Variants in SYCP2L observed in about 807,000 individuals in gnomAD.
The protein encoded by SYCP2L is synaptonemal complex protein 2-like.
Under a neutral mutation model 125.8 loss-of-function variants are expected in SYCP2L, and 98 were observed. That is an observed-to-expected ratio of 0.78 (90% CI 0.66 to 0.92). SYCP2L has a LOEUF of 0.92. Ranked by LOEUF, SYCP2L falls within the 40% of genes least tolerant of loss-of-function variation. The pLI is 0.00. For missense variants in SYCP2L, 842 were observed against 936.4 expected, an observed-to-expected ratio of 0.90 and a Z score of 1.32; for synonymous variants, 317 against 325.4, an observed-to-expected ratio of 0.97 and a Z score of 0.28.
chr6:10,898,427 C>T (rs185116459), intron 5 of SYCP2L, among the ~76,000 whole-genome samples: 495 of 152,184 alleles, frequency 3.3e-3, no homozygotes, highest in Admixed American at 9.6e-3. Flanking sequence ...GCAGGAGAAT[C>T]GCTTGAACCT....
At chr6:10,939,548 A>T (rs1781174877) in intron 21 of SYCP2L, among the ~76,000 whole-genome samples, 1 of 152,230 alleles carries the variant, frequency 6.6e-6, no homozygotes, top group South Asian at 2.1e-4. Context: ...AGATAACATT[A>T]TGGGCCCAGA....
chr6:10,969,415 C>T (rs1781732507), intron 29 of SYCP2L, among the ~76,000 whole-genome samples: 1 of 140,498 alleles, frequency 7.1e-6, no homozygotes, highest in Non-Finnish European at 1.5e-5. Flanking sequence ...GGCTGGAGTG[C>T]AGTGGCATGA....
intron 1 of SYCP2L, among the ~76,000 whole-genome samples, chr6:10,890,214 T>C (rs1198461001): frequency 6.6e-6 from 1 of 152,220 alleles, no homozygotes; most frequent in Non-Finnish European, 1.5e-5. Context: ...TTTCTTTTCT[T>C]TTGGATATAT....
At chr6:10,901,926 G>A (rs1780381791) in intron 6 of SYCP2L, among the ~76,000 whole-genome samples, 1 of 152,182 alleles carries the variant, frequency 6.6e-6, no homozygotes, top group Admixed American at 6.6e-5. Flanking sequence ...TCTCAATGTG[G>A]TTTCCTTGTT....
At chr6:10,918,216 A>G (rs1299176478) in intron 14 of SYCP2L, among the ~76,000 whole-genome samples, 1 of 150,882 alleles carries the variant, frequency 6.6e-6, no homozygotes, top group East Asian at 1.9e-4. Flanking sequence ...AAAAAAAAAG[A>G]AAAGGAAAGA....
rs551103839 is a variant in SYCP2L, at chr6:10,907,892, G to GTTTTTTTTTTTTTTTTTTTTTTTT, written c.819+226_819+227insTTTTTTTTTTTTTTTTTTTTTTTT. ...GAGCTAGATATAGGGATACAGATAG[G>GTTTTTTTTTTTTTTTTTTTTTTTT]TTTTTTTTTTTTTTTTTTGACAGAG... On this transcript the variant is annotated intron_variant, in intron 10 of 29. Coordinates refer to ENST00000283141, the MANE Select transcript of SYCP2L (RefSeq NM_001040274.3). Among the ~76,000 whole-genome samples the GTTTTTTTTTTTTTTTTTTTTTTTT allele has an allele frequency of 1.4e-3, 129 of 91,928 alleles. 26 individuals carry two copies. Among genetic ancestry groups the GTTTTTTTTTTTTTTTTTTTTTTTT allele is most frequent in the Non-Finnish European group, 1.8e-3 (87 of 49,676 alleles). 60.3% of individuals were successfully genotyped at this position (91,928 alleles called of 152,430 possible).
intron 23 of SYCP2L, among the ~76,000 whole-genome samples, chr6:10,947,386 C>T (rs1293824377): frequency 6.6e-6 from 1 of 152,000 alleles, no homozygotes; most frequent in Non-Finnish European, 1.5e-5. Flanking sequence ...GAAGTGACAT[C>T]TTTAAAATAT....
rs573462133 is a variant in SYCP2L, at chr6:10,900,049, A to G, written c.466+1201A>G. Among the ~76,000 whole-genome samples, 7 of 152,346 alleles carry G rather than the reference A, an allele frequency of 4.6e-5. No homozygotes were observed. In the East Asian group the frequency reaches 1.3e-3, roughly 29 times the overall value. ...TCTACGGTCATTGCTTGGTGCATTT[A>G]TGGATTCACATAATGCTATAATGAC... On this transcript the variant is annotated intron_variant, in intron 6 of 29. Transcript: ENST00000283141.
At chr6:10,973,850 A>G (rs1327846269) in intron 29 of SYCP2L, 102 bp from the exon 30 acceptor site, 1 of 152,260 alleles carries the variant, frequency 6.6e-6, no homozygotes, top group Non-Finnish European at 1.5e-5. Context: ...TGTAGCGGAT[A>G]AAAAGGAATG....
At chr6:10,902,551 C>T in intron 6 of SYCP2L, 126 bp from the exon 7 acceptor site, 2 of 740,766 alleles carry the variant, frequency 2.7e-6, no homozygotes, top group South Asian at 3.7e-5. Flanking sequence ...GAGGCACAGC[C>T]TGCAAAGTGG....
In SYCP2L at chr6:10,908,763, A is replaced by G. The variant is rs190086873; in HGVS notation, c.819+1079A>G. 3.3e-3 allele frequency among the ~76,000 whole-genome samples: 510 copies of G among 152,310 alleles called. 3 individuals are homozygous for G. Among genetic ancestry groups the G allele is most frequent in the Non-Finnish European group, 3.7e-3 (251 of 68,034 alleles). ...TAAAGTAATTCTTTAGCCAGGATTC[A>G]GTATAATCTCAGTGGAAAGACCATG... On this transcript the variant is annotated intron_variant, in intron 10 of 29. Transcript: ENST00000283141.
intron 1 of SYCP2L, among the ~76,000 whole-genome samples, chr6:10,890,139 A>G (rs888628372): frequency 6.6e-6 from 1 of 152,220 alleles, no homozygotes; most frequent in Non-Finnish European, 1.5e-5. Flanking sequence ...TTGATTCCAT[A>G]TCTTGGCTAT....
chr6:10,963,765 G>A lies in SYCP2L; in HGVS notation c.2415-17G>A. On this transcript the variant is annotated splice_polypyrimidine_tract_variant and intron_variant, in intron 28 of 29. Transcript: ENST00000283141. Reference sequence around the variant, plus strand: ...GTCTAATGTGAATATAATAAGAGATGGACCAATTTCTTCCAGGTTCAATTC... The same window carrying A: ...GTCTAATGTGAATATAATAAGAGATAGACCAATTTCTTCCAGGTTCAATTC... The A allele has an allele frequency of 1.2e-6, 2 of 1,613,152 alleles. No homozygotes were observed. The highest frequency in any genetic ancestry group is 1.7e-6 in the Non-Finnish European group (2 of 1,179,340).
intron 23 of SYCP2L, among the ~76,000 whole-genome samples, chr6:10,944,638 T>C (rs1044221262): frequency 6.6e-6 from 1 of 152,130 alleles, no homozygotes; most frequent in Non-Finnish European, 1.5e-5. Context: ...CATTTCTCTC[T>C]AAGTACTGCT....
In SYCP2L at chr6:10,935,128, A is replaced by G. The variant is rs768462080; in HGVS notation, c.1754A>G (p.Glu585Gly). 14 of 1,613,344 alleles carry G rather than the reference A, an allele frequency of 8.7e-6. No homozygotes were observed. Among genetic ancestry groups the G allele is most frequent in the Non-Finnish European group, 1.2e-5 (14 of 1,179,688 alleles). The change falls in exon 21 of 30, where the codon GAA becomes GGA. Residue 585 changes from glutamate to glycine, a missense_variant. By Grantham distance (98) the Glu-to-Gly change is moderately conservative. Transcript: ENST00000283141. Reference protein sequence around the residue: ...QNNTTSPKTSEQKFQDSFAFL... With the variant: ...QNNTTSPKTSGQKFQDSFAFL... The stretch of plus-strand genomic sequence containing the variant: ...AACACCACATCTCCAAAGACTTCTG[A>G]ACAAAAATTCCAAGATAGTTTTGCT...
At chr6:10,927,422 G>A (rs770534998) in intron 17 of SYCP2L, 55 bp downstream of exon 17, 21 of 1,455,844 alleles carry the variant, frequency 1.4e-5, no homozygotes, top group South Asian at 7.1e-5. Context: ...ATAAAGGGAC[G>A]GACTACAAAA....
At chr6:10,920,423 G>T (rs975470563) in intron 14 of SYCP2L, among the ~76,000 whole-genome samples, 4 of 152,156 alleles carry the variant, frequency 2.6e-5, no homozygotes, top group Non-Finnish European at 4.4e-5. Flanking sequence ...TGCCATGTTG[G>T]CCAGGCTGGT....
At chr6:10,955,846 A>T (rs943048259) in intron 24 of SYCP2L, among the ~76,000 whole-genome samples, 1 of 152,222 alleles carries the variant, frequency 6.6e-6, no homozygotes, top group African/African-American at 2.4e-5. Flanking sequence ...GGCACCCAGA[A>T]GCAGTTACAC....
At chr6:10,905,969 T>G in intron 8 of SYCP2L, 51 bp from the exon 9 acceptor site, 1 of 1,308,322 alleles carries the variant, frequency 7.6e-7, no homozygotes, top group South Asian at 1.3e-5. Context: ...TAGTAAAGTT[T>G]TACCTCTTGA....
Sources: allele counts gnomAD v4.1 joint callset (sites outside exome capture counted in the v4.1 genomes callset), GRCh38; gene constraint gnomAD v4.1.1; transcripts MANE v1.5; gene names NCBI Gene and HGNC (gene_info 2026-07-23, HGNC 2026-07-21).